GOLGA1: variants seen among roughly 807,000 people sequenced by gnomAD.
The protein encoded by GOLGA1 is golgin subfamily A member 1.
A neutral mutation model predicts 119.7 loss-of-function variants in GOLGA1; 63 were observed. The observed-to-expected ratio is 0.53, with a 90% CI of 0.43 to 0.65. The LOEUF is 0.65. Ranked by LOEUF, GOLGA1 falls within the 30% of genes least tolerant of loss-of-function variation. GOLGA1 has a pLI of 0.00. For synonymous variants in GOLGA1, 318 were observed against 333.4 expected, an observed-to-expected ratio of 0.95 and a Z score of 0.50; for missense variants, 798 against 912.8, an observed-to-expected ratio of 0.87 and a Z score of 1.62.
chr9:124,926,391 G>T (rs535714584), intron 7 of GOLGA1, among the ~76,000 whole-genome samples: 18 of 152,276 alleles, frequency 1.2e-4, no homozygotes, highest in African/African-American at 3.9e-4. Context: ...TTCTTTCAGG[G>T]TTCCCCACTG....
In GOLGA1 at chr9:124,889,238, T is replaced by C; in HGVS notation, c.1666A>G (p.Lys556Glu). 6.2e-7 allele frequency: 1 copy of C among 1,613,842 alleles called. No homozygotes were observed. Among genetic ancestry groups the C allele is most frequent in the Non-Finnish European group, 8.5e-7 (1 of 1,179,962 alleles). Residue 556 changes from lysine (K) to glutamate (E), a missense_variant, in exon 18 of 23, where the codon AAG becomes GAG. Transcript: ENST00000373555. ...QAELEALRTL[K>E]AEEAAVVAEQ... ...GCGACCACTGCAGCCTCCTCCGCCT[T>C]GAGGGTCCTCAGGGCCTCCAGCTCG...
chr9:124,939,918 C>T (rs1215652255), intron 2 of GOLGA1, among the ~76,000 whole-genome samples, 188 bp downstream of exon 2: 1 of 152,118 alleles, frequency 6.6e-6, no homozygotes, highest in African/African-American at 2.4e-5. Flanking sequence ...GATTCAAAAA[C>T]CTTTTCCTCC....
upstream of GOLGA1, chr9:124,942,958 G>C (rs553825445): frequency 3.3e-4 from 50 of 152,294 alleles, no homozygotes; most frequent in African/African-American, 1.1e-3. Context: ...GTAGTGGAAG[G>C]CTATCTTTTA....
upstream of GOLGA1, among the ~76,000 whole-genome samples, chr9:124,941,875 C>T (rs1259120416): frequency 6.6e-6 from 1 of 152,194 alleles, no homozygotes; most frequent in African/African-American, 2.4e-5. Context: ...GAGACCAGGG[C>T]TTCCAGACCA....
At chr9:124,929,824 T>G (rs1830741498) in intron 4 of GOLGA1, among the ~76,000 whole-genome samples, 1 of 152,172 alleles carries the variant, frequency 6.6e-6, no homozygotes, top group South Asian at 2.1e-4. Context: ...TAACCTACGC[T>G]ACATTAAATG....
intron 7 of GOLGA1, among the ~76,000 whole-genome samples, chr9:124,924,086 C>T (rs1327271763): frequency 6.6e-6 from 1 of 152,132 alleles, no homozygotes; most frequent in Admixed American, 6.6e-5. Flanking sequence ...GAACTCCTGA[C>T]TTCAGGTGAT....
intron 2 of GOLGA1, among the ~76,000 whole-genome samples, chr9:124,939,143 T>C (rs1564348050): frequency 7.0e-6 from 1 of 141,852 alleles, no homozygotes; most frequent in Admixed American, 7.1e-5. Flanking sequence ...AATCTCTACG[T>C]TTTTTTTTTT....
intron 11 of GOLGA1, 64 bp from the exon 12 acceptor site, chr9:124,908,536 T>C (rs1485939166): frequency 3.4e-6 from 3 of 872,176 alleles, no homozygotes; most frequent in Non-Finnish European, 6.0e-6. Context: ...ATTTACAGAT[T>C]ATCTACAACA....
At chr9:124,899,247 A>C (rs750883) in intron 14 of GOLGA1, 82 bp downstream of exon 14, 1,310,679 of 1,315,450 alleles carry the variant, frequency 1, 653,070 homozygotes, top group East Asian at 1. Context: ...AGAGGTGGTG[A>C]CACACTGTCA....
At position 124,879,687 on chromosome 9, in the gene GOLGA1, G is replaced by T. The variant is rs1197941117; in HGVS notation, c.*843C>A. The T allele has an allele frequency of 2.6e-5, 4 of 151,876 alleles. No homozygotes were observed. Among genetic ancestry groups the T allele is most frequent in the African/African-American group, 9.7e-5 (4 of 41,228 alleles). 9.4% of individuals were successfully genotyped at this position (151,876 alleles called of 1,614,324 possible). A position where few individuals can be genotyped will look rare whatever the true frequency, so the allele number is the denominator to read the frequency against. On this transcript the variant is annotated 3_prime_UTR_variant, in exon 23 of 23. Coordinates refer to ENST00000373555, the MANE Select transcript of GOLGA1 (RefSeq NM_002077.4). ...AAAGGAACAGGAATCCTAGTTTTAG[G>T]AAGAATTTCCTCTGGACGCTCTGAT...
chr9:124,901,936 G>A (rs1830113649), intron 12 of GOLGA1, among the ~76,000 whole-genome samples: 2 of 152,194 alleles, frequency 1.3e-5, no homozygotes, highest in Admixed American at 1.3e-4. Context: ...CTGGGCACGA[G>A]GCCAGTGCCG....
At chr9:124,898,899 A>G (rs1000776645) in intron 14 of GOLGA1, among the ~76,000 whole-genome samples, 10 of 152,208 alleles carry the variant, frequency 6.6e-5, no homozygotes, top group Non-Finnish European at 1.3e-4. Context: ...CTCTGGAAAG[A>G]TAAGAACTGC....
At chr9:124,897,140 G>T (rs1406188828) in intron 15 of GOLGA1, among the ~76,000 whole-genome samples, 1 of 151,930 alleles carries the variant, frequency 6.6e-6, no homozygotes, top group Non-Finnish European at 1.5e-5. Flanking sequence ...TATTCACATT[G>T]TAGGCCCTTC....
chr9:124,890,294 G>C lies in GOLGA1; in HGVS notation c.1497+95C>G, dbSNP rs1829825284. 2.9e-5 allele frequency: 25 copies of C among 854,732 alleles called. 1 individual carries two copies. The South Asian group carries it at 3.4e-4, about 12-fold the overall frequency. 52.9% of individuals were successfully genotyped at this position (854,732 alleles called of 1,614,324 possible). On this transcript the variant is annotated intron_variant, in intron 16 of 22. Coordinates refer to ENST00000373555, the MANE Select transcript of GOLGA1 (RefSeq NM_002077.4). ...CCTGAGTCTACTACCCTACCCTGGA[G>C]AGACAGGCCCTCTCCAACAGTCTCA...
In GOLGA1 at chr9:124,881,940, A is replaced by G. The variant is rs202227499; in HGVS notation, c.1980T>C (p.Asp660=). Residue 660 remains aspartate, a synonymous_variant, in exon 21 of 23, where the codon GAT becomes GAC. Transcript: ENST00000373555. The surrounding 1 kb of genome is among the most constrained non-coding windows in gnomAD (Gnocchi z 4.9). The stretch of plus-strand genomic sequence containing the variant: ...TCTCCCGGACTTCGAAGAGCTCATT[A>G]TCGGGTCTGATTTTCTGAAAAACCA... ...TLQKELKIRP[D]NELFEVREKP... is the part of the protein sequence containing the mutation. 4 of 1,605,684 alleles carry G rather than the reference A, an allele frequency of 2.5e-6. No individual in the cohort carries two copies. The East Asian group carries it at 8.9e-5, about 36-fold the overall frequency.
rs1830153091 is a variant in GOLGA1, at chr9:124,903,561, A to G, written c.1066-3014T>C. Among the ~76,000 whole-genome samples, 4 of 151,482 alleles carry G rather than the reference A, an allele frequency of 2.6e-5. No individual in the cohort carries two copies. In the South Asian group the frequency reaches 8.4e-4, roughly 32 times the overall value. On this transcript the variant is annotated intron_variant, in intron 12 of 22. Transcript: ENST00000373555. Reference sequence around the variant, plus strand: ...GTGCCTGCAAGCCAAGCACTTAGGGAAACAAAGGTATAGCTTGAGCCCAGG... The same window carrying G: ...GTGCCTGCAAGCCAAGCACTTAGGGGAACAAAGGTATAGCTTGAGCCCAGG...
chr9:124,936,698 G>A (rs541021603), intron 3 of GOLGA1, among the ~76,000 whole-genome samples: 3 of 152,060 alleles, frequency 2.0e-5, no homozygotes, highest in South Asian at 2.1e-4. Flanking sequence ...CAGTCCTTCC[G>A]CCTTAGCTTC....
chr9:124,908,059 C>A (rs955617559), intron 12 of GOLGA1, among the ~76,000 whole-genome samples: 4 of 152,162 alleles, frequency 2.6e-5, no homozygotes, highest in Non-Finnish European at 5.9e-5. Flanking sequence ...ATAGCTGCAT[C>A]ATTTACAGAA....
chr9:124,922,938 A>G (rs1310307630), intron 8 of GOLGA1, among the ~76,000 whole-genome samples, 157 bp downstream of exon 8: 2 of 152,246 alleles, frequency 1.3e-5, no homozygotes, highest in African/African-American at 4.8e-5. Flanking sequence ...TTTCTATTTT[A>G]ATAAATTTAA....
Sources: allele counts gnomAD v4.1 joint callset (sites outside exome capture counted in the v4.1 genomes callset), GRCh38; gene constraint gnomAD v4.1.1; non-coding constraint Gnocchi (gnomAD v3.1); transcripts MANE v1.5; gene names NCBI Gene and HGNC (gene_info 2026-07-23, HGNC 2026-07-21).